Variants in NEK5 observed in about 807,000 individuals in gnomAD.
The protein encoded by NEK5 is NIMA related kinase 5, also known as serine/threonine-protein kinase Nek5.
NEK5 carries 88 observed loss-of-function variants against 109.2 expected under a neutral mutation model. The ratio of observed to expected loss-of-function variants is 0.81; its 90% CI spans 0.68 to 0.96. NEK5 has a LOEUF of 0.96. NEK5 is among the 40% of genes least tolerant of loss of function. NEK5 has a pLI of 0.00. For synonymous variants in NEK5, 283 were observed against 299.9 expected (o/e 0.94, Z 0.58); for missense variants, 834 against 920.7 (o/e 0.91, Z 1.22).
chr13:52,063,046 G>C (rs1030201274), intron 21 of NEK5, among the ~76,000 whole-genome samples: 1 of 149,568 alleles, frequency 6.7e-6, no homozygotes, highest in Non-Finnish European at 1.5e-5. Context: ...TCTCCCCACG[G>C]TCCCCCTCTC....
Position 52,065,507 on chromosome 13 carries a change from G to A in NEK5, c.1952C>T (p.Ser651Phe). The change falls in exon 21 of 24, where the codon TCC (serine) becomes TTC (phenylalanine). Residue 651 changes from serine (S) to phenylalanine (F), a missense_variant. By Grantham distance (155) the Ser-to-Phe change is radical. This residue lies in a region of NEK5 where 777 missense variants were observed against 824.7 expected (regional missense o/e 0.94). Transcript: ENST00000684899. ...ACTGTCAGGCCCCGTGGGGCAGGTG[G>A]AGGTGATGTCGGCCACTGCCATCAT... The part of the protein sequence containing the change: ...LQMMAVADIT[S>F]TCPTGPDNGQ... The A allele has an allele frequency of 6.2e-7, 1 of 1,613,786 alleles. No homozygotes were observed. The highest frequency in any genetic ancestry group is 8.5e-7 in the Non-Finnish European group (1 of 1,179,640).
Position 52,104,550 on chromosome 13 carries a change from T to A in NEK5, c.557A>T (p.Asp186Val). 4 of 1,600,656 alleles carry A rather than the reference T, an allele frequency of 2.5e-6. No individual in the cohort carries two copies. In the South Asian group the frequency reaches 4.4e-5, roughly 18 times the overall value. Reference protein sequence around the residue: ...CQNKPYNNKTDIWSLGCVLYE... With the variant: ...CQNKPYNNKTVIWSLGCVLYE... ...TAAGACACAGCCAAGAGACCAAATA[T>A]CCCTAAAGAAGATAAGAGTTTACAT... The change falls in exon 9 of 24, where the codon GAT becomes GTT. Residue 186 changes from aspartate (D) to valine (V), a missense_variant and splice_region_variant. Transcript: ENST00000684899.
At chr13:52,068,173 C>T (rs1251300684) in intron 20 of NEK5, among the ~76,000 whole-genome samples, 1 of 152,102 alleles carries the variant, frequency 6.6e-6, no homozygotes, top group Non-Finnish European at 1.5e-5. Flanking sequence ...CCTCTTGGGT[C>T]CCCTCTCCAC....
chr13:52,037,724 C>T (rs1337273980), intron 23 of NEK5, among the ~76,000 whole-genome samples: 2 of 152,132 alleles, frequency 1.3e-5, no homozygotes, highest in Admixed American at 1.3e-4. Flanking sequence ...GAGATCGAGA[C>T]CATCCTGGCT....
intron 23 of NEK5, among the ~76,000 whole-genome samples, chr13:52,045,762 C>CA (rs1954453242): frequency 1.3e-5 from 1 of 79,488 alleles, no homozygotes; most frequent in South Asian, 4.3e-4. Context: ...AAGACTCTGT[C>CA]TCAAAAAAAA....
intron 22 of NEK5, among the ~76,000 whole-genome samples, chr13:52,059,606 A>G (rs1409021875): frequency 2.6e-5 from 4 of 152,078 alleles, no homozygotes; most frequent in Non-Finnish European, 5.9e-5. Context: ...CATATACACC[A>G]TGGAATACTA....
intron 3 of NEK5, among the ~76,000 whole-genome samples, chr13:52,122,042 C>T (rs1355470220): frequency 2.0e-5 from 3 of 151,910 alleles, no homozygotes; most frequent in South Asian, 2.1e-4. Flanking sequence ...GCTGGGACTA[C>T]AGGCACTTGC....
chr13:52,061,137 G>A (rs192373221), intron 22 of NEK5, among the ~76,000 whole-genome samples: 138 of 152,324 alleles, frequency 9.1e-4, no homozygotes, highest in Middle Eastern at 3.4e-3. Context: ...GGCAGGGAAG[G>A]GGAGTGGTTT....
chr13:52,056,601 C>T (rs942355676), intron 22 of NEK5, among the ~76,000 whole-genome samples: 1 of 148,192 alleles, frequency 6.7e-6, no homozygotes, highest in African/African-American at 2.5e-5. Flanking sequence ...AACTATCTCT[C>T]AGACCACAGT....
At chr13:52,061,264 A>T (rs1954612145) in intron 22 of NEK5, among the ~76,000 whole-genome samples, 1 of 152,112 alleles carries the variant, frequency 6.6e-6, no homozygotes, top group Non-Finnish European at 1.5e-5. Flanking sequence ...GCAGCTGCTG[A>T]TCTGACAGGA....
Position 52,073,320 on chromosome 13 carries a change from C to CT in NEK5, c.1723-1251dup, listed in dbSNP as rs111793172. Reference sequence around the variant, plus strand: ...TTGAACACCAAACATTTTTCTTTCCCTTTTTTTTTTTTTGAGACAGTGTCT... The same window carrying CT: ...TTGAACACCAAACATTTTTCTTTCCCTTTTTTTTTTTTTTGAGACAGTGTCT... On this transcript the variant is annotated intron_variant, in intron 19 of 23. Coordinates refer to ENST00000684899, the MANE Select transcript of NEK5 (RefSeq NM_001365552.1). Among the ~76,000 whole-genome samples, 1,244 of 143,174 alleles carry CT rather than the reference C, an allele frequency of 8.7e-3. 16 individuals carry two copies. The highest frequency in any genetic ancestry group is 0.025 in the African/African-American group (971 of 39,404). 93.9% of individuals were successfully genotyped at this position (143,174 alleles called of 152,430 possible). A position where few individuals can be genotyped will look rare whatever the true frequency, so the allele number is the denominator to read the frequency against.
intron 13 of NEK5, among the ~76,000 whole-genome samples, chr13:52,091,039 A>G (rs1175450967): frequency 1.3e-5 from 2 of 151,920 alleles, no homozygotes; most frequent in African/African-American, 4.8e-5. Context: ...AAAAAAAAAA[A>G]TCCTTTTCCT....
chr13:52,089,829 A>C (rs1351966277), intron 13 of NEK5, among the ~76,000 whole-genome samples: 4 of 152,052 alleles, frequency 2.6e-5, no homozygotes, highest in Admixed American at 2.0e-4. Flanking sequence ...CTGCTAAAAA[A>C]AATTAGTGGG....
At chr13:52,050,423 A>G (rs2140909970) in intron 22 of NEK5, among the ~76,000 whole-genome samples, 1 of 152,140 alleles carries the variant, frequency 6.6e-6, no homozygotes, top group Non-Finnish European at 1.5e-5. Flanking sequence ...GAGATAAAAC[A>G]CCTCCACTTT....
chr13:52,037,512 C>CT (rs1954371197), intron 23 of NEK5, among the ~76,000 whole-genome samples: 1 of 152,100 alleles, frequency 6.6e-6, no homozygotes. Context: ...ACATCGAGCT[C>CT]TTACTATATG....
chr13:52,064,298 A>T (rs1954649007), intron 21 of NEK5, among the ~76,000 whole-genome samples: 1 of 115,198 alleles, frequency 8.7e-6, no homozygotes, highest in Non-Finnish European at 1.8e-5. Context: ...GGCCGCCCCT[A>T]CTGGGAAGTG....
rs542649802 is a variant in NEK5 at position 52,126,136 on chromosome 13, C to A, written c.117+1230G>T. ...TTTATGCTACTCTCATTTATAAATC[C>A]TCTAGAAGCTGACCAACAAGACTTG... On this transcript the variant is annotated intron_variant, in intron 3 of 23. Coordinates refer to ENST00000684899, the MANE Select transcript of NEK5 (RefSeq NM_001365552.1). 3.3e-5 allele frequency among the ~76,000 whole-genome samples: 5 copies of A among 152,212 alleles called. No individual in the cohort carries two copies. In the East Asian group the frequency reaches 9.7e-4, roughly 29 times the overall value.
intron 23 of NEK5, among the ~76,000 whole-genome samples, chr13:52,038,040 G>T (rs1240209220): frequency 6.6e-6 from 1 of 152,146 alleles, no homozygotes; most frequent in African/African-American, 2.4e-5. Context: ...AGATCAATAA[G>T]ACAATCTGCA....
chr13:52,102,112 G>A lies in NEK5; in HGVS notation c.790C>T (p.Pro264Ser). The A allele has an allele frequency of 6.2e-7, 1 of 1,613,898 alleles. No individual in the cohort carries two copies. The highest frequency in any genetic ancestry group is 8.5e-7 in the Non-Finnish European group (1 of 1,179,860). Residue 264 changes from proline to serine, a missense_variant, in exon 10 of 24, where the codon CCC (proline) becomes TCC (serine). Physicochemically the swap from Pro to Ser is moderately conservative, Grantham distance 74. Coordinates refer to ENST00000684899, the MANE Select transcript of NEK5 (RefSeq NM_001365552.1). Reference sequence around the variant, plus strand: ...CTTACCTCAGGAGTCAAATATTTGGGAATAAGATTCTCTAAAAAGGGCCTT... The same window carrying A: ...CTTACCTCAGGAGTCAAATATTTGGAAATAAGATTCTCTAAAAAGGGCCTT... Reference protein sequence around the residue: ...LKRPFLENLIPKYLTPEVIQE... With the variant: ...LKRPFLENLISKYLTPEVIQE...
Sources: gnomAD v4.1 joint callset for allele counts (sites outside exome capture counted in the v4.1 genomes callset) on GRCh38, gnomAD v4.1.1 for gene constraint, gnomAD v4.1.1 regional missense constraint, MANE v1.5 for transcripts, NCBI Gene and HGNC (gene_info 2026-07-23, HGNC 2026-07-21) for gene names.